The following LOC128462377 variants were observed in gnomAD, a reference collection of about 807,000 sequenced individuals.
At chr16:89,325,598 C>T in the LOC128462377 span, among the ~76,000 whole-genome samples, 133 of 152,300 alleles carry the variant, frequency 8.7e-4, no homozygotes, top group African/African-American at 3.0e-3. Flanking sequence ...AAGACATCCG[C>T]GAAGCGTGGA....
the LOC128462377 span, among the ~76,000 whole-genome samples, chr16:89,331,648 G>T: frequency 1.3e-5 from 2 of 151,846 alleles, no homozygotes; most frequent in East Asian, 3.9e-4. Flanking sequence ...TAGGTACAGG[G>T]TCTCCTCTGT....
the LOC128462377 span, chr16:89,323,262 C>G: frequency 7.8e-7 from 1 of 1,275,890 alleles, no homozygotes; most frequent in East Asian, 5.6e-5. Flanking sequence ...GAGCTGCATA[C>G]CTGGCAGGCC....
the LOC128462377 span, chr16:89,324,491 T>C: frequency 4.4e-6 from 2 of 456,414 alleles, no homozygotes; most frequent in Middle Eastern, 3.2e-4. Context: ...TGTGTAACTG[T>C]TCCTGGGAGC....
chr16:89,341,636 G>A, the LOC128462377 span, among the ~76,000 whole-genome samples: 14 of 152,156 alleles, frequency 9.2e-5, no homozygotes, highest in Non-Finnish European at 1.9e-4. Flanking sequence ...AAATCCCACC[G>A]TTAACACTGG....
the LOC128462377 span, among the ~76,000 whole-genome samples, chr16:89,364,679 C>A: frequency 6.6e-6 from 1 of 152,210 alleles, no homozygotes; most frequent in East Asian, 1.9e-4. Flanking sequence ...AATCTCATAA[C>A]GTTTACAAAT....
At chr16:89,392,090 T>C in the LOC128462377 span, among the ~76,000 whole-genome samples, 2 of 152,132 alleles carry the variant, frequency 1.3e-5, no homozygotes, top group African/African-American at 2.4e-5. Context: ...TCGGGACAAA[T>C]ACAGAATGTG....
At chr16:89,359,504 T>G in the LOC128462377 span, among the ~76,000 whole-genome samples, 3 of 152,226 alleles carry the variant, frequency 2.0e-5, no homozygotes, top group African/African-American at 7.2e-5. Context: ...ATGGCAGCAC[T>G]GTGACCTCAC....
At chr16:89,351,210 G>A in the LOC128462377 span, among the ~76,000 whole-genome samples, 1 of 152,226 alleles carries the variant, frequency 6.6e-6, no homozygotes, top group Non-Finnish European at 1.5e-5. Flanking sequence ...GCAGCTGGTG[G>A]TGGGCATGGG....
the LOC128462377 span, among the ~76,000 whole-genome samples, chr16:89,367,696 T>A: frequency 6.6e-6 from 1 of 151,976 alleles, no homozygotes; most frequent in African/African-American, 2.4e-5. Context: ...CAGCTGCAGG[T>A]TTTTTGCAGA....
the LOC128462377 span, among the ~76,000 whole-genome samples, chr16:89,344,101 TCTC>T: frequency 6.6e-6 from 1 of 151,988 alleles, no homozygotes; most frequent in Non-Finnish European, 1.5e-5. Flanking sequence ...CGGGCCTCAA[TCTC>T]CTCATCTATA....
chr16:89,369,397 A>T, the LOC128462377 span, among the ~76,000 whole-genome samples: 1 of 152,214 alleles, frequency 6.6e-6, no homozygotes, highest in African/African-American at 2.4e-5. Flanking sequence ...TGCCACAGGG[A>T]GGGCTGTGCT....
At chr16:89,357,526 T>C in the LOC128462377 span, among the ~76,000 whole-genome samples, 1,841 of 152,214 alleles carry the variant, frequency 0.012, 34 homozygotes, top group African/African-American at 0.042. Flanking sequence ...TGGGTAGATA[T>C]ACAAAAGAAC....
At chr16:89,371,311 T>C in the LOC128462377 span, among the ~76,000 whole-genome samples, 1 of 151,950 alleles carries the variant, frequency 6.6e-6, no homozygotes, top group African/African-American at 2.4e-5. Context: ...CAGAAACAAA[T>C]AAAGAATAAG....
chr16:89,355,321 C>T, the LOC128462377 span, among the ~76,000 whole-genome samples: 1 of 152,022 alleles, frequency 6.6e-6, no homozygotes, highest in Non-Finnish European at 1.5e-5. Context: ...TCACACAGAC[C>T]CACAAGGACC....
At chr16:89,408,274 C>G in the LOC128462377 span, among the ~76,000 whole-genome samples, 2 of 152,378 alleles carry the variant, frequency 1.3e-5, no homozygotes, top group African/African-American at 4.8e-5. Flanking sequence ...AGAGAAGTGG[C>G]AGCCCTTCCA....
chr16:89,398,070 G>T, the LOC128462377 span, among the ~76,000 whole-genome samples: 1 of 150,388 alleles, frequency 6.6e-6, no homozygotes, highest in Non-Finnish European at 1.5e-5. Context: ...ATCTGGTGAC[G>T]CTGTGAAACA....
chr16:89,323,438 TG>T, the LOC128462377 span: 1 of 456,782 alleles, frequency 2.2e-6, no homozygotes, highest in Non-Finnish European at 3.1e-6. Context: ...GCAGGGGGGC[TG>T]AGCCGAGGGC....
chr16:89,369,473 G>A, the LOC128462377 span, among the ~76,000 whole-genome samples: 40 of 152,202 alleles, frequency 2.6e-4, no homozygotes, highest in African/African-American at 8.9e-4. Context: ...TGGGTGCGCC[G>A]CAACAGCACA....
At chr16:89,333,913 T>C in the LOC128462377 span, among the ~76,000 whole-genome samples, 1 of 152,044 alleles carries the variant, frequency 6.6e-6, no homozygotes, top group African/African-American at 2.4e-5. Context: ...AGAGATAAAC[T>C]ACTTTCTCAC....
Sources: allele counts gnomAD v4.1 joint callset (sites outside exome capture counted in the v4.1 genomes callset), GRCh38; gene constraint gnomAD v4.1.1; transcripts MANE v1.5.